APC: variants seen among roughly 807,000 people sequenced by gnomAD.
APC encodes the protein APC regulator of Wnt signaling pathway.
Under a neutral mutation model 247.0 loss-of-function variants are expected in APC, and 72 were observed. The ratio of observed to expected loss-of-function variants is 0.29; its 90% CI spans 0.24 to 0.35. The LOEUF is 0.35. Ranked by LOEUF, APC falls within the 10% of genes least tolerant of loss-of-function variation. The pLI is 1.00. For missense variants in APC, 3,400 were observed against 3,360.7 expected, an observed-to-expected ratio of 1.01 and a Z score of -0.29; for synonymous variants, 1,254 against 1,162.5, an observed-to-expected ratio of 1.08 and a Z score of -1.60.
Position 112,769,605 on chromosome 5 carries a change from A to T in APC, c.422+2215A>T, listed in dbSNP as rs71577428. Among the ~76,000 whole-genome samples the T allele has an allele frequency of 9.4e-3, 1,439 of 152,352 alleles. 10 individuals carry two copies. The highest frequency in any genetic ancestry group is 0.02 in the Middle Eastern group (6 of 294). ...TATATTTCTAAAAGTTCTATTAGACATTCAGAAAATGGTAAAATATATAAA... is the reference window on the plus strand; with the variant it reads ...TATATTTCTAAAAGTTCTATTAGACTTTCAGAAAATGGTAAAATATATAAA... On this transcript the variant is annotated intron_variant, in intron 4 of 15. Coordinates refer to ENST00000257430, the MANE Select transcript of APC (RefSeq NM_000038.6).
At chr5:112,811,822 A>G (rs1469893051) in intron 8 of APC, among the ~76,000 whole-genome samples, 6 of 152,368 alleles carry the variant, frequency 3.9e-5, no homozygotes, top group Middle Eastern at 3.4e-3. Flanking sequence ...ATTTGCTTCT[A>G]TGGATCAGAA....
chr5:112,829,432 A>C, intron 14 of APC: 1 of 171,104 alleles, frequency 5.8e-6, no homozygotes, highest in South Asian at 1.4e-4. Flanking sequence ...CATCACGCCC[A>C]GCCTAGATTC....
Position 112,780,912 on chromosome 5 carries a change from C to G in APC, c.645+9C>G, listed in dbSNP as rs863224286. 6.4e-7 allele frequency: 1 copy of G among 1,563,546 alleles called. No homozygotes were observed. Among genetic ancestry groups the G allele is most frequent in the Non-Finnish European group, 8.8e-7 (1 of 1,136,074 alleles). On this transcript the variant is annotated intron_variant, in intron 6 of 15. Coordinates refer to ENST00000257430, the MANE Select transcript of APC (RefSeq NM_000038.6). Reference sequence around the variant, plus strand: ...TGGAAAAACGAGCACAGGTAAGTTACTTGTTTCTAAGTGATAAAACAGCGA... The same window carrying G: ...TGGAAAAACGAGCACAGGTAAGTTAGTTGTTTCTAAGTGATAAAACAGCGA...
intron 6 of APC, among the ~76,000 whole-genome samples, chr5:112,790,712 A>G (rs1759483547): frequency 6.6e-6 from 1 of 152,200 alleles, no homozygotes; most frequent in African/African-American, 2.4e-5. Context: ...GTAGTAAGAA[A>G]AGCATGAAGG....
At chr5:112,831,502 C>G (rs1043322168) in intron 14 of APC, among the ~76,000 whole-genome samples, 1 of 152,154 alleles carries the variant, frequency 6.6e-6, no homozygotes, top group African/African-American at 2.4e-5. Context: ...TTTTTTCCCT[C>G]TTTTTCTACA....
At chr5:112,756,074 C>T (rs1016612515) in intron 2 of APC, among the ~76,000 whole-genome samples, 3 of 151,828 alleles carry the variant, frequency 2.0e-5, no homozygotes, top group African/African-American at 7.3e-5. Context: ...ACTCTTATTC[C>T]TTACTAATTT....
chr5:112,751,503 A>G (rs983064653), intron 1 of APC, among the ~76,000 whole-genome samples: 1 of 151,964 alleles, frequency 6.6e-6, no homozygotes, highest in Non-Finnish European at 1.5e-5. Context: ...GTTGAAGTCT[A>G]CTTTTCTATC....
chr5:112,798,871 A>G (rs1161959268), intron 7 of APC, among the ~76,000 whole-genome samples: 3 of 152,152 alleles, frequency 2.0e-5, no homozygotes, highest in African/African-American at 7.2e-5. Context: ...TGTGACTGAA[A>G]ACAAGTTACT....
In APC at chr5:112,842,834, G is replaced by C. The variant is rs1256751823; in HGVS notation, c.7240G>C (p.Val2414Leu). 2 of 1,613,838 alleles carry C rather than the reference G, an allele frequency of 1.2e-6. No individual in the cohort carries two copies. The highest frequency in any genetic ancestry group is 2.2e-5 in the South Asian group (2 of 91,076). Reference sequence around the variant, plus strand: ...TAATGGTAATGGAGCCAATAAAAAGGTAGAACTTTCTAGAATGTCTTCAAC... The same window carrying C: ...TAATGGTAATGGAGCCAATAAAAAGCTAGAACTTTCTAGAATGTCTTCAAC... Reference protein sequence around the residue: ...MNNGNGANKKVELSRMSSTKS... With the variant: ...MNNGNGANKKLELSRMSSTKS... The change falls in exon 16 of 16, where the codon GTA becomes CTA. Residue 2414 changes from valine (V) to leucine (L), a missense_variant. By Grantham distance (32) the Val-to-Leu change is conservative (BLOSUM62 1). This residue lies in a region of APC where 1,788 missense variants were observed against 1,649.5 expected (regional missense o/e 1.08). Coordinates refer to ENST00000257430, the MANE Select transcript of APC (RefSeq NM_000038.6).
intron 6 of APC, among the ~76,000 whole-genome samples, chr5:112,781,212 T>G (rs1276219350): frequency 1.3e-5 from 2 of 152,198 alleles, no homozygotes; most frequent in Non-Finnish European, 2.9e-5. Flanking sequence ...AATTTTTACT[T>G]CTTGTAATCT....
intron 1 of APC, among the ~76,000 whole-genome samples, chr5:112,744,953 C>T (rs1264267575): frequency 6.6e-6 from 1 of 152,076 alleles, no homozygotes; most frequent in Non-Finnish European, 1.5e-5. Context: ...TTTTTCTTAA[C>T]TCAAAAATGA....
In APC at chr5:112,839,514, T is replaced by A. The variant is rs1801155; in HGVS notation, c.3920T>A (p.Ile1307Lys). 2,000 of 1,614,038 alleles carry A rather than the reference T, an allele frequency of 1.2e-3. 29 individuals are homozygous for A. In the Middle Eastern group the frequency reaches 0.022, roughly 17 times the overall value. Reference sequence around the variant, plus strand: ...GCTAATACCCTGCAAATAGCAGAAATAAAAGAAAAGATTGGAACTAGGTCA... The same window carrying A: ...GCTAATACCCTGCAAATAGCAGAAAAAAAAGAAAAGATTGGAACTAGGTCA... ...DSANTLQIAE[I>K]KEKIGTRSAE... Residue 1307 changes from isoleucine to lysine, a missense_variant, in exon 16 of 16, where the codon ATA becomes AAA. By Grantham distance (102) the Ile-to-Lys change is moderately radical. This residue lies in a region of APC where 715 missense variants were observed against 656.6 expected (regional missense o/e 1.09). Coordinates refer to ENST00000257430, the MANE Select transcript of APC (RefSeq NM_000038.6). The surrounding 1 kb of genome is among the most constrained non-coding windows in gnomAD (Gnocchi z 5.0).
chr5:112,783,765 C>CAAAAAAAA (rs77929348), intron 6 of APC: 8 of 198,096 alleles, frequency 4.0e-5, no homozygotes, highest in Non-Finnish European at 5.5e-5. Context: ...CCACTGCACT[C>CAAAAAAAA]AAAAAAAAAA....
Position 112,837,699 on chromosome 5 carries a change from G to A in APC, c.2105G>A (p.Gly702Glu), listed in dbSNP as rs876658289. The A allele has an allele frequency of 8.1e-6, 13 of 1,613,972 alleles. No individual in the cohort carries two copies. Among genetic ancestry groups the A allele is most frequent in the Non-Finnish European group, 1.0e-5 (12 of 1,180,020 alleles). ...PKDQEALWDM[G>E]AVSMLKNLIH... The stretch of plus-strand genomic sequence containing the variant: ...GACCAGGAAGCATTATGGGACATGG[G>A]GGCAGTTAGCATGCTCAAGAACCTC... Residue 702 changes from glycine to glutamate, a missense_variant, in exon 16 of 16, where the codon GGG becomes GAG. By Grantham distance (98) the Gly-to-Glu change is moderately conservative (BLOSUM62 -2). Around this residue, in one of 9 missense-constraint regions of APC, gnomAD observed 184 missense variants for 248.0 expected, o/e 0.74. Transcript: ENST00000257430.
intron 15 of APC, 133 bp from the exon 16 acceptor site, chr5:112,837,420 G>A (rs1194433179): frequency 6.4e-6 from 4 of 628,138 alleles, no homozygotes; most frequent in South Asian, 4.1e-5. Flanking sequence ...AGAACAAAAG[G>A]AGATGTGGAA....
rs137854573 is a variant in APC at position 112,828,889 on chromosome 5, C to T, written c.1660C>T (p.Arg554Ter). Residue 554 changes from arginine (R) to a stop codon, truncating the protein, a stop_gained, in exon 14 of 16, where the codon CGA becomes TGA. Transcript: ENST00000257430. LOFTEE classifies it high-confidence loss of function. ...GAGTGTTTTGAGGAATTTGTCTTGG[C>T]GAGCAGATGTAAATAGTAAAAAGAC... ...IASVLRNLSW[R>*]ADVNSKKTLR... 1 of 1,613,488 alleles carries T rather than the reference C, an allele frequency of 6.2e-7. No individual in the cohort carries two copies. Among genetic ancestry groups the T allele is most frequent in the Non-Finnish European group, 8.5e-7 (1 of 1,179,622 alleles).
intron 5 of APC, among the ~76,000 whole-genome samples, chr5:112,779,640 T>C (rs1201949328): frequency 3.9e-5 from 6 of 152,168 alleles, no homozygotes. Context: ...CTAAACCACA[T>C]TATTGCAACA....
At chr5:112,739,638 G>A (rs1482496372) in intron 1 of APC, among the ~76,000 whole-genome samples, 1 of 152,196 alleles carries the variant, frequency 6.6e-6, no homozygotes, top group East Asian at 1.9e-4. Flanking sequence ...GGAAGCTGAG[G>A]CAGGAGGATC....
rs1580687270 is a variant in APC, at chr5:112,843,447, A to G, written c.7853A>G (p.Asn2618Ser). 3.1e-6 allele frequency: 5 copies of G among 1,613,704 alleles called. No homozygotes were observed. The highest frequency in any genetic ancestry group is 3.4e-6 in the Non-Finnish European group (4 of 1,179,710). ...GGAACATGGAGAAAAATAAAAGAAAATGAATTTTCTCCCACAAATAGTACT... is the reference window on the plus strand; with the variant it reads ...GGAACATGGAGAAAAATAAAAGAAAGTGAATTTTCTCCCACAAATAGTACT... Reference protein sequence around the residue: ...AKGTWRKIKENEFSPTNSTSQ... With the variant: ...AKGTWRKIKESEFSPTNSTSQ... The change falls in exon 16 of 16, where the codon AAT becomes AGT. Residue 2618 changes from asparagine to serine, a missense_variant. Transcript: ENST00000257430. The surrounding 1 kb of genome is among the most constrained non-coding windows in gnomAD (Gnocchi z 4.8).
Sources: gnomAD v4.1 joint callset for allele counts (sites outside exome capture counted in the v4.1 genomes callset) on GRCh38, gnomAD v4.1.1 for gene constraint, gnomAD v4.1.1 regional missense constraint, Gnocchi (gnomAD v3.1) non-coding constraint, MANE v1.5 for transcripts, NCBI Gene and HGNC (gene_info 2026-07-23, HGNC 2026-07-21) for gene names.